MCF2L: variants seen among roughly 807,000 people sequenced by gnomAD.
The protein encoded by MCF2L is guanine nucleotide exchange factor DBS.
Under a neutral mutation model 153.4 loss-of-function variants are expected in MCF2L, and 97 were observed. The observed-to-expected ratio is 0.63, with a 90% confidence interval of 0.54 to 0.75. MCF2L has a LOEUF of 0.75. Ranked by LOEUF, MCF2L falls within the 30% of genes least tolerant of loss-of-function variation. The pLI, the probability that MCF2L is intolerant of heterozygous loss-of-function variation, is 0.00. For missense variants in MCF2L, 1,347 were observed against 1,495.2 expected, an observed-to-expected ratio of 0.90 and a Z score of 1.64; for synonymous variants, 659 against 632.2, an observed-to-expected ratio of 1.04 and a Z score of -0.64.
intron 18 of MCF2L, chr13:113,084,625 C>T: frequency 3.9e-6 from 2 of 512,766 alleles, no homozygotes; most frequent in Non-Finnish European, 3.4e-6. Flanking sequence ...GCGGTGGAAC[C>T]CCGTCTCCAC....
At chr13:113,030,627 G>A (rs1440794092) in intron 3 of MCF2L, among the ~76,000 whole-genome samples, 3 of 151,804 alleles carry the variant, frequency 2.0e-5, no homozygotes, top group Non-Finnish European at 2.9e-5. Flanking sequence ...GTGGGCCCTC[G>A]GGTGTCTGCC....
chr13:112,980,370 C>A (rs890077460), intron 1 of MCF2L, among the ~76,000 whole-genome samples: 1 of 152,246 alleles, frequency 6.6e-6, no homozygotes, highest in African/African-American at 2.4e-5. Flanking sequence ...CCCTGTCTGG[C>A]GACCTGGAAC....
intron 1 of MCF2L, among the ~76,000 whole-genome samples, chr13:112,996,114 C>A (rs1014437589): frequency 6.6e-6 from 1 of 152,190 alleles, no homozygotes; most frequent in Admixed American, 6.5e-5. Context: ...CAAGGCTGGG[C>A]TAGCCCTCGT....
intron 2 of MCF2L, among the ~76,000 whole-genome samples, chr13:112,933,433 G>C (rs1296872701): frequency 6.6e-6 from 1 of 152,224 alleles, no homozygotes; most frequent in Non-Finnish European, 1.5e-5. Context: ...CGTGGGTCAG[G>C]ACCAACCAGG....
chr13:113,014,709 CA>C, intron 1 of MCF2L, 53 bp from the exon 2 acceptor site: 1 of 1,500,710 alleles, frequency 6.7e-7, no homozygotes. Flanking sequence ...TGGGCGCTTG[CA>C]GGGTGAGGCA....
At chr13:112,899,820 G>A (rs1449437204) in intron 1 of MCF2L, among the ~76,000 whole-genome samples, 1 of 152,222 alleles carries the variant, frequency 6.6e-6, no homozygotes, top group African/African-American at 2.4e-5. Flanking sequence ...GGCCGCGCGT[G>A]CCATCTGCAG....
At chr13:112,974,119 G>A (rs369575749) in intron 1 of MCF2L, among the ~76,000 whole-genome samples, 13 of 152,160 alleles carry the variant, frequency 8.5e-5, no homozygotes, top group South Asian at 6.2e-4. Context: ...ATCACCTGCC[G>A]CTCCACATCA....
chr13:113,032,946 CGTGAGTGGACCCCGTGAT>C (rs1450219270), intron 3 of MCF2L, among the ~76,000 whole-genome samples: 4 of 151,718 alleles, frequency 2.6e-5, no homozygotes, highest in Admixed American at 6.6e-5. Context: ...GCCCCCGTGA[CGTGAGTGGACCCCGTGAT>C]GTGAGTGGAC....
chr13:113,072,195 C>T (rs542442062), intron 9 of MCF2L, among the ~76,000 whole-genome samples: 5 of 152,306 alleles, frequency 3.3e-5, no homozygotes, highest in South Asian at 2.1e-4. Flanking sequence ...TTGTCTCCTG[C>T]GACCTTGCTG....
chr13:112,966,449 G>A (rs924894480), upstream of MCF2L, among the ~76,000 whole-genome samples: 7 of 152,164 alleles, frequency 4.6e-5, no homozygotes, highest in African/African-American at 1.7e-4. This position sits in a 1 kb window ranked among gnomAD's most constrained non-coding sequence, Gnocchi z 4.1. Flanking sequence ...CCCACGTTAT[G>A]TCACACACCT....
intron 25 of MCF2L, 135 bp from the exon 26 acceptor site, chr13:113,089,475 A>AGTGTGTGGCCCCTC (rs2034987089): frequency 1.5e-6 from 1 of 673,444 alleles, no homozygotes; most frequent in Non-Finnish European, 2.7e-6. Context: ...TTAACTTAGA[A>AGTGTGTGGCCCCTC]ACACGTGCAG....
chr13:113,015,157 C>T (rs968772117), intron 2 of MCF2L, among the ~76,000 whole-genome samples: 8 of 152,178 alleles, frequency 5.3e-5, no homozygotes, highest in African/African-American at 1.9e-4. Flanking sequence ...GGTGGCCGAG[C>T]CCATGGGCCT....
chr13:113,000,025 T>C (rs12856361), intron 1 of MCF2L, among the ~76,000 whole-genome samples: 44,198 of 151,202 alleles, frequency 0.29, 6,923 homozygotes, highest in Non-Finnish European at 0.36. Flanking sequence ...GGCCCCAGAG[T>C]GGAGGCAGGG....
Position 112,993,984 on chromosome 13 carries a change from G to A in MCF2L, c.80-20779G>A, listed in dbSNP as rs1378787806. Among the ~76,000 whole-genome samples, 1 of 151,026 alleles carries A rather than the reference G, an allele frequency of 6.6e-6. No homozygotes were observed. The highest frequency in any genetic ancestry group is 2.4e-5 in the African/African-American group (1 of 41,078). The stretch of plus-strand genomic sequence containing the variant: ...ACACACCTTCATTTTAAAGACAGCA[G>A]AGGAGGGGTGGGGTGGGAGGGCAGT... On this transcript the variant is annotated intron_variant, in intron 1 of 29. Coordinates refer to ENST00000535094, the MANE Select transcript of MCF2L (RefSeq NM_001112732.3). This position sits in a 1 kb window ranked among gnomAD's most constrained non-coding sequence, Gnocchi z 4.6.
chr13:112,994,719 A>G (rs1393084131), intron 1 of MCF2L, among the ~76,000 whole-genome samples: 1 of 152,160 alleles, frequency 6.6e-6, no homozygotes, highest in Non-Finnish European at 1.5e-5. Context: ...CCTCCCGGGC[A>G]CAGGCTCTCC....
At position 113,060,588 on chromosome 13, in the gene MCF2L, C is replaced by CA. The variant is rs1489465493; in HGVS notation, c.370-4dup. 2 of 1,612,542 alleles carry CA rather than the reference C, an allele frequency of 1.2e-6. No individual in the cohort carries two copies. The highest frequency in any genetic ancestry group is 2.7e-5 in the African/African-American group (2 of 74,946). ...CAGGCCCTTGTCTCTCGCCCTCTCT[C>CA]ACAGGCATCTTTCCCGGCAAACCTG... On this transcript the variant is annotated splice_region_variant and splice_polypyrimidine_tract_variant and intron_variant, in intron 4 of 29. Coordinates refer to ENST00000535094, the MANE Select transcript of MCF2L (RefSeq NM_001112732.3).
intron 2 of MCF2L, among the ~76,000 whole-genome samples, chr13:113,017,697 T>G (rs1423779365): frequency 3.3e-5 from 5 of 151,618 alleles, no homozygotes; most frequent in African/African-American, 1.2e-4. Flanking sequence ...CTCGCTCCAC[T>G]CGAAGGAAAC....
intron 2 of MCF2L, among the ~76,000 whole-genome samples, chr13:112,919,089 C>T (rs1273550520): frequency 6.6e-6 from 1 of 152,082 alleles, no homozygotes; most frequent in Admixed American, 6.5e-5. Flanking sequence ...TGCCTAGCAA[C>T]AATTTCATTA....
At chr13:113,071,153 C>T (rs1337382334) in intron 9 of MCF2L, among the ~76,000 whole-genome samples, 1 of 152,208 alleles carries the variant, frequency 6.6e-6, no homozygotes, top group Non-Finnish European at 1.5e-5. Context: ...TGGTGCTAAA[C>T]ACCTTTCCAC....
Sources: allele counts gnomAD v4.1 joint callset (sites outside exome capture counted in the v4.1 genomes callset), GRCh38; gene constraint gnomAD v4.1.1; non-coding constraint Gnocchi (gnomAD v3.1); transcripts MANE v1.5; gene names NCBI Gene and HGNC (gene_info 2026-07-23, HGNC 2026-07-21).